Variants in SOX5 observed in about 807,000 individuals in gnomAD.
SOX5 encodes transcription factor SOX-5.
In SOX5, 9 loss-of-function variants were observed where a neutral mutation model predicts 92.0. The observed-to-expected ratio is 0.10, with a 90% CI of 0.06 to 0.17. The LOEUF (loss-of-function observed/expected upper bound fraction) is 0.17. Among genes scored for constraint, SOX5 ranks in the 10% least tolerant of loss-of-function variants. The probability of loss-of-function intolerance (pLI) is 1.00; values close to 1 mark genes in which losing one functional copy is unlikely to be tolerated. For synonymous variants in SOX5, 344 were observed against 336.3 expected (o/e 1.02, Z -0.25); for missense variants, 642 against 944.5 (o/e 0.68, Z 4.20).
chr12:23,953,676 C>A (rs1945934203), upstream of SOX5, among the ~76,000 whole-genome samples: 2 of 151,718 alleles, frequency 1.3e-5, no homozygotes, highest in South Asian at 4.2e-4. Flanking sequence ...AAAGTTAAAA[C>A]AAAAATAAAA....
intron 3 of SOX5, among the ~76,000 whole-genome samples, chr12:24,250,394 C>T (rs1939787283): frequency 6.6e-6 from 1 of 152,122 alleles, no homozygotes; most frequent in South Asian, 2.1e-4. Flanking sequence ...ACCTTATTAC[C>T]CCAGCAAGAG....
chr12:23,713,072 G>A (rs543805727), intron 6 of SOX5, among the ~76,000 whole-genome samples: 25 of 152,142 alleles, frequency 1.6e-4, no homozygotes, highest in Admixed American at 2.6e-4. Context: ...GATTTGGATT[G>A]GGCCCTAAAT....
chr12:24,048,970 C>G (rs1225955960), intron 4 of SOX5, among the ~76,000 whole-genome samples: 1 of 152,046 alleles, frequency 6.6e-6, no homozygotes. Flanking sequence ...ATGAATAATA[C>G]TAAAAAAACC....
intron 4 of SOX5, among the ~76,000 whole-genome samples, chr12:23,751,209 A>C (rs1290961679): frequency 1.3e-5 from 2 of 151,868 alleles, no homozygotes. Context: ...CAGATCCAAC[A>C]GTTCTCTCAG....
At chr12:24,361,823 C>T (rs144764893) in intron 2 of SOX5, among the ~76,000 whole-genome samples, 1 of 152,314 alleles carries the variant, frequency 6.6e-6, no homozygotes, top group Non-Finnish European at 1.5e-5. Context: ...CTGTCTGGTA[C>T]AGCAGTCTCT....
At chr12:23,938,588 T>C (rs897086773) in intron 1 of SOX5, among the ~76,000 whole-genome samples, 10 of 151,128 alleles carry the variant, frequency 6.6e-5, no homozygotes, top group Admixed American at 6.6e-5. Context: ...TGAACTTTAA[T>C]TTGTGCATCT....
chr12:24,131,688 T>G (rs955195313), intron 4 of SOX5, among the ~76,000 whole-genome samples: 2 of 152,198 alleles, frequency 1.3e-5, no homozygotes, highest in Non-Finnish European at 2.9e-5. Flanking sequence ...GCAGCTGCTG[T>G]TATTTATACT....
intron 2 of SOX5, among the ~76,000 whole-genome samples, chr12:23,847,880 G>A (rs770473092): frequency 2.0e-5 from 3 of 151,914 alleles, no homozygotes; most frequent in Non-Finnish European, 2.9e-5. Flanking sequence ...GTTAAGTGAA[G>A]GTACACTTCT....
chr12:24,075,658 T>A (rs76314375), intron 4 of SOX5, among the ~76,000 whole-genome samples: 14,376 of 151,812 alleles, frequency 0.095, 814 homozygotes, highest in African/African-American at 0.14. Flanking sequence ...ATTTTTTTTT[T>A]AAAAAAGACA....
intron 2 of SOX5, among the ~76,000 whole-genome samples, chr12:24,278,113 C>T (rs1011743065): frequency 6.6e-5 from 10 of 152,100 alleles, no homozygotes; most frequent in Non-Finnish European, 8.8e-5. Flanking sequence ...TCAGTCGCTC[C>T]GCTATTAGTC....
At chr12:23,675,199 A>G (rs1440241080) in intron 6 of SOX5, among the ~76,000 whole-genome samples, 1 of 152,168 alleles carries the variant, frequency 6.6e-6, no homozygotes, top group South Asian at 2.1e-4. Context: ...CATCACTACT[A>G]TGTATTCTGT....
chr12:24,454,899 T>C (rs1942813766), intron 1 of SOX5, among the ~76,000 whole-genome samples: 1 of 152,198 alleles, frequency 6.6e-6, no homozygotes, highest in Non-Finnish European at 1.5e-5. Context: ...ACATCTAAAA[T>C]CTGACACAAA....
intron 2 of SOX5, among the ~76,000 whole-genome samples, chr12:24,284,803 C>T (rs930834421): frequency 2.0e-5 from 3 of 152,146 alleles, no homozygotes; most frequent in Non-Finnish European, 4.4e-5. Context: ...CAATGTGTAA[C>T]AATTTTCCAA....
At chr12:23,959,266 G>T (rs1946623927) in intron 4 of SOX5, among the ~76,000 whole-genome samples, 1 of 151,628 alleles carries the variant, frequency 6.6e-6, no homozygotes, top group African/African-American at 2.4e-5. Flanking sequence ...ACATAATGTA[G>T]AATCTCAATG....
chr12:23,994,052 T>C (rs904032148), intron 4 of SOX5, among the ~76,000 whole-genome samples: 6 of 151,978 alleles, frequency 3.9e-5, no homozygotes, highest in Non-Finnish European at 8.8e-5. Context: ...AGGTCGAGGC[T>C]GCAATGAGCC....
intron 7 of SOX5, among the ~76,000 whole-genome samples, chr12:23,659,674 AG>A (rs2082768323): frequency 6.6e-6 from 1 of 152,210 alleles, no homozygotes. Context: ...AAACAACAAC[AG>A]AAAAAGTTTA....
At chr12:24,327,050 C>T (rs1950780955) in intron 2 of SOX5, among the ~76,000 whole-genome samples, 1 of 152,124 alleles carries the variant, frequency 6.6e-6, no homozygotes, top group Non-Finnish European at 1.5e-5. Flanking sequence ...GAATAAATTT[C>T]ACAATGGCAT....
At chr12:23,995,891 A>T (rs1257419412) in intron 4 of SOX5, among the ~76,000 whole-genome samples, 1 of 152,186 alleles carries the variant, frequency 6.6e-6, no homozygotes, top group Non-Finnish European at 1.5e-5. Context: ...TGGAATAAAG[A>T]CCAATGTGAA....
At chr12:23,872,356 C>T (rs1004611789) in intron 2 of SOX5, among the ~76,000 whole-genome samples, 4 of 151,666 alleles carry the variant, frequency 2.6e-5, no homozygotes, top group Non-Finnish European at 5.9e-5. Context: ...ATTTATCTAC[C>T]ACCATACCTT....
Sources: gnomAD v4.1 joint callset for allele counts (sites outside exome capture counted in the v4.1 genomes callset) on GRCh38, gnomAD v4.1.1 for gene constraint, MANE v1.5 for transcripts, NCBI Gene and HGNC (gene_info 2026-07-23, HGNC 2026-07-21) for gene names.